Variants in TRHDE observed in about 807,000 individuals in gnomAD.
TRHDE encodes thyrotropin-releasing hormone-degrading ectoenzyme.
A neutral mutation model predicts 125.7 loss-of-function variants in TRHDE; 72 were observed. The observed-to-expected ratio is 0.57, with a 90% CI of 0.47 to 0.70. The LOEUF (loss-of-function observed/expected upper bound fraction) is 0.70. Among genes scored for constraint, TRHDE ranks in the 30% least tolerant of loss-of-function variants. The pLI is 0.00. For missense variants in TRHDE, 1,110 were observed against 1,327.1 expected, an observed-to-expected ratio of 0.84 and a Z score of 2.54; for synonymous variants, 509 against 509.1, an observed-to-expected ratio of 1.00 and a Z score of 0.00.
intron 2 of TRHDE, among the ~76,000 whole-genome samples, chr12:72,182,138 C>T (rs1188683961): frequency 6.6e-6 from 1 of 152,028 alleles, no homozygotes. Context: ...CAAAATAGTC[C>T]TTTGACTTTC....
chr12:72,587,324 G>A (rs1871480934), intron 12 of TRHDE, among the ~76,000 whole-genome samples: 1 of 151,984 alleles, frequency 6.6e-6, no homozygotes, highest in African/African-American at 2.4e-5. Flanking sequence ...TTTTAAGTAT[G>A]GAGAGTTGAG....
At position 72,222,169 on chromosome 12, in the gene TRHDE, GA is replaced by G. The variant is rs1009115603; in HGVS notation, n.279+116426del. 4.6e-5 allele frequency among the ~76,000 whole-genome samples: 7 copies of G among 151,298 alleles called. No individual in the cohort carries two copies. The East Asian group carries it at 7.7e-4, about 17-fold the overall frequency. ...TGCCACATTCTCTTGGTTAACACTG[GA>G]AAAAAAAAGTCTGTCCAGATTCAGG... On this transcript the variant is annotated intron_variant and non_coding_transcript_variant, in intron 2 of 4. Coordinates refer to the TRHDE transcript ENST00000548156.
chr12:72,576,910 G>C (rs1299235962), intron 12 of TRHDE, among the ~76,000 whole-genome samples: 5 of 152,130 alleles, frequency 3.3e-5, no homozygotes, highest in African/African-American at 1.2e-4. Flanking sequence ...TTCAGTTCTA[G>C]TAAAGATAAA....
At chr12:72,217,002 A>C (rs1326444307) in intron 2 of TRHDE, among the ~76,000 whole-genome samples, 1 of 151,912 alleles carries the variant, frequency 6.6e-6, no homozygotes, top group Non-Finnish European at 1.5e-5. Context: ...GTATTAAATA[A>C]GTTGTTTATA....
intron 12 of TRHDE, among the ~76,000 whole-genome samples, chr12:72,594,034 A>C (rs1871814433): frequency 4.6e-5 from 7 of 152,170 alleles, no homozygotes; most frequent in Admixed American, 4.6e-4. Context: ...TATGCCCAGT[A>C]ATGGGATGGC....
At chr12:72,363,406 A>C (rs1304942148) in intron 2 of TRHDE, among the ~76,000 whole-genome samples, 1 of 151,930 alleles carries the variant, frequency 6.6e-6, no homozygotes, top group Non-Finnish European at 1.5e-5. Flanking sequence ...GCAGCACATC[A>C]AAAAGCTTAT....
At chr12:72,363,035 C>G (rs572172443) in intron 2 of TRHDE, among the ~76,000 whole-genome samples, 73 of 152,110 alleles carry the variant, frequency 4.8e-4, no homozygotes, top group African/African-American at 1.7e-3. Flanking sequence ...TTAGGATTGA[C>G]TTGGCGATGC....
At chr12:72,264,038 T>C (rs962882457) in intron 2 of TRHDE, 2 of 152,070 alleles carry the variant, frequency 1.3e-5, no homozygotes, top group Admixed American at 6.6e-5. Context: ...TTTAAAAATT[T>C]ATTTCTCCAC....
intron 5 of TRHDE, among the ~76,000 whole-genome samples, chr12:72,474,107 T>C (rs910084906): frequency 6.6e-6 from 1 of 152,084 alleles, no homozygotes; most frequent in African/African-American, 2.4e-5. Context: ...AAGCACTTTA[T>C]TGAGGCAAGA....
intron 2 of TRHDE, among the ~76,000 whole-genome samples, chr12:72,228,069 C>G (rs980917703): frequency 6.6e-6 from 1 of 152,194 alleles, no homozygotes; most frequent in Non-Finnish European, 1.5e-5. Context: ...ATCTACCATT[C>G]TGGTGTCTGC....
At chr12:72,369,307 C>T (rs1871470270) in intron 2 of TRHDE, among the ~76,000 whole-genome samples, 1 of 152,122 alleles carries the variant, frequency 6.6e-6, no homozygotes, top group Non-Finnish European at 1.5e-5. Context: ...TATTTTTCCA[C>T]AGTCAGCGTC....
intron 2 of TRHDE, among the ~76,000 whole-genome samples, chr12:72,133,527 G>A (rs554093816): frequency 6.6e-6 from 1 of 152,276 alleles, no homozygotes; most frequent in Non-Finnish European, 1.5e-5. Context: ...AGAACATTAA[G>A]CACCCAACAG....
At chr12:72,592,521 A>G (rs998622236) in intron 12 of TRHDE, among the ~76,000 whole-genome samples, 2 of 151,766 alleles carry the variant, frequency 1.3e-5, no homozygotes, top group Admixed American at 1.3e-4. Flanking sequence ...TTTTTGGATT[A>G]TGTACTTGGT....
At chr12:72,484,739 G>T (rs1877325016) in intron 5 of TRHDE, among the ~76,000 whole-genome samples, 1 of 152,186 alleles carries the variant, frequency 6.6e-6, no homozygotes, top group Non-Finnish European at 1.5e-5. Context: ...TAAATGTTTT[G>T]AGGAAACAGG....
intron 2 of TRHDE, among the ~76,000 whole-genome samples, chr12:72,332,173 C>T (rs1243666654): frequency 2.6e-5 from 4 of 152,000 alleles, no homozygotes; most frequent in East Asian, 1.9e-4. Context: ...GAGTCTCGCT[C>T]TGTCATCCAG....
intron 3 of TRHDE, among the ~76,000 whole-genome samples, chr12:72,437,248 AC>A (rs1874788291): frequency 6.6e-6 from 1 of 151,860 alleles, no homozygotes; most frequent in African/African-American, 2.4e-5. Flanking sequence ...ATATTGCCTT[AC>A]AGAGAATGAA....
Position 72,141,897 on chromosome 12 carries a change from C to A in TRHDE, n.279+36145C>A, listed in dbSNP as rs955690329. On this transcript the variant is annotated intron_variant and non_coding_transcript_variant, in intron 2 of 4. Transcript: ENST00000548156. ...GTGATGGTTTGGCAATTATCACATT[C>A]CTCTTTTAGAGTGATAAATTGGCAG... 9.2e-5 allele frequency among the ~76,000 whole-genome samples: 14 copies of A among 152,216 alleles called. No individual in the cohort carries two copies. The East Asian group carries it at 1.9e-3, about 21-fold the overall frequency.
intron 7 of TRHDE, among the ~76,000 whole-genome samples, chr12:72,552,269 T>G (rs1473152700): frequency 2.0e-5 from 3 of 152,152 alleles, no homozygotes; most frequent in African/African-American, 7.2e-5. Flanking sequence ...TATTTTTATA[T>G]TCAGGTAAGA....
intron 7 of TRHDE, among the ~76,000 whole-genome samples, chr12:72,548,440 A>G (rs1029929687): frequency 2.0e-5 from 3 of 151,758 alleles, no homozygotes; most frequent in Non-Finnish European, 4.4e-5. Flanking sequence ...ATATACAACA[A>G]TGCTTATAGT....
Sources: gnomAD v4.1 joint callset for allele counts (sites outside exome capture counted in the v4.1 genomes callset) on GRCh38, gnomAD v4.1.1 for gene constraint, MANE v1.5 for transcripts, NCBI Gene and HGNC (gene_info 2026-07-23, HGNC 2026-07-21) for gene names.